The following PDE4DIP variants were observed in gnomAD, a reference collection of about 807,000 sequenced individuals.
PDE4DIP encodes the protein phosphodiesterase 4D interacting protein, also known as myomegalin.
A neutral mutation model predicts 221.4 loss-of-function variants in PDE4DIP; 59 were observed. The observed-to-expected ratio is 0.27, with a 90% CI of 0.22 to 0.33. The LOEUF (loss-of-function observed/expected upper bound fraction) is 0.33, where lower values mean the gene tolerates loss of function less well. PDE4DIP is among the 10% of genes least tolerant of loss of function. The pLI is 1.00. For synonymous variants in PDE4DIP, 404 were observed against 815.9 expected (o/e 0.50, Z 8.60); for missense variants, 1,036 against 2,154.2 (o/e 0.48, Z 10.28).
At chr1:148,988,080 A>C (rs1259966173) in intron 21 of PDE4DIP, among the ~76,000 whole-genome samples, 1 of 152,218 alleles carries the variant, frequency 6.6e-6, no homozygotes, top group East Asian at 1.9e-4. Flanking sequence ...TGTGAGGCAG[A>C]GAGCAAAGAG....
At chr1:148,999,085 C>G (rs1306173488) in intron 23 of PDE4DIP, 1 of 134,524 alleles carries the variant, frequency 7.4e-6, no homozygotes, top group Non-Finnish European at 1.6e-5. Flanking sequence ...CCTCTCAGCT[C>G]TCACTCATAA....
At chr1:148,999,170 AT>A (rs1251103989) in intron 23 of PDE4DIP, 11 of 143,650 alleles carry the variant, frequency 7.7e-5, no homozygotes, top group African/African-American at 2.9e-4. Context: ...CAGGTAGCTC[AT>A]TGATTGGTTA....
chr1:148,922,666 C>T (rs1553462539), intron 1 of PDE4DIP, among the ~76,000 whole-genome samples: 2 of 149,214 alleles, frequency 1.3e-5, no homozygotes, highest in Non-Finnish European at 3.0e-5. Flanking sequence ...CAGCGCATTG[C>T]AAGCTCCGAC....
At chr1:149,031,773 G>A (rs1176858056) in intron 43 of PDE4DIP, among the ~76,000 whole-genome samples, 171 bp from the exon 47 acceptor site, 1 of 149,614 alleles carries the variant, frequency 6.7e-6, no homozygotes, top group Non-Finnish European at 1.5e-5. Flanking sequence ...CCTAACCTCG[G>A]GCACCTGTTG....
chr1:149,023,628 G>A (rs1304666700), intron 37 of PDE4DIP, among the ~76,000 whole-genome samples: 14 of 136,284 alleles, frequency 1.0e-4, no homozygotes, highest in Non-Finnish European at 1.4e-4. Flanking sequence ...ATATGTACAT[G>A]TATATGTGTG....
At chr1:148,862,238 C>T (rs1684570166) in intron 1 of PDE4DIP, among the ~76,000 whole-genome samples, 1 of 151,344 alleles carries the variant, frequency 6.6e-6, no homozygotes, top group Non-Finnish European at 1.5e-5. Context: ...ATTGTCTCCC[C>T]TTACTGTAAA....
At chr1:148,954,114 C>T (rs2054485243) in intron 5 of PDE4DIP, among the ~76,000 whole-genome samples, 1 of 152,162 alleles carries the variant, frequency 6.6e-6, no homozygotes, top group Non-Finnish European at 1.5e-5. Context: ...TTTGTAAAAT[C>T]TGTTGACTTT....
intron 5 of PDE4DIP, chr1:148,942,349 CA>C (rs1553480530): frequency 6.6e-6 from 1 of 152,004 alleles, no homozygotes; most frequent in Non-Finnish European, 1.5e-5. Context: ...TCCATTCTAC[CA>C]AAACATTCTA....
intron 32 of PDE4DIP, among the ~76,000 whole-genome samples, chr1:149,015,257 T>A (rs2070058081): frequency 6.6e-6 from 1 of 151,672 alleles, no homozygotes; most frequent in Admixed American, 6.6e-5. Flanking sequence ...AATCAGTATA[T>A]GTTTCCATAC....
At chr1:148,979,882 T>C (rs781838248) in intron 20 of PDE4DIP, 33 bp downstream of exon 23, 17 of 1,600,658 alleles carry the variant, frequency 1.1e-5, no homozygotes, top group Non-Finnish European at 1.7e-6. Context: ...TTTTATTCTT[T>C]ATTGAAATTT....
chr1:149,016,845 A>T (rs1553611777), intron 33 of PDE4DIP, among the ~76,000 whole-genome samples: 2 of 152,280 alleles, frequency 1.3e-5, no homozygotes, highest in African/African-American at 4.8e-5. Context: ...CCACTCTCTT[A>T]GACCCTTCCA....
chr1:149,009,578 G>C (rs1553602780), exon 30 of PDE4DIP: 1 of 1,601,516 alleles, frequency 6.2e-7, no homozygotes, highest in African/African-American at 1.3e-5. Context: ...GCTCAGCAGG[G>C]AGCTGCAGGA....
intron 4 of PDE4DIP, among the ~76,000 whole-genome samples, chr1:148,937,280 T>C (rs2049419789): frequency 1.3e-5 from 2 of 152,228 alleles, no homozygotes; most frequent in Admixed American, 6.5e-5. Flanking sequence ...GTATGTCTTC[T>C]TACTCTCCAA....
exon 41 of PDE4DIP, chr1:149,028,576 G>T (rs1365805011): frequency 6.8e-6 from 11 of 1,610,816 alleles, no homozygotes; most frequent in Admixed American, 1.7e-5. Flanking sequence ...GGCAGCAAAG[G>T]TATTCATGAG....
chr1:148,963,957 A>C (rs1474978074), intron 9 of PDE4DIP, among the ~76,000 whole-genome samples: 5 of 149,424 alleles, frequency 3.3e-5, no homozygotes, highest in Non-Finnish European at 5.9e-5. Context: ...ACAGGGTTTC[A>C]TCGTGTTAGC....
intron 22 of PDE4DIP, among the ~76,000 whole-genome samples, chr1:148,996,688 T>TA (rs1285743422): frequency 1.3e-5 from 2 of 152,224 alleles, no homozygotes; most frequent in Non-Finnish European, 2.9e-5. Context: ...CATTTGAACA[T>TA]ACTTTGTTAC....
chr1:149,013,890 C>T (rs1197305393), intron 32 of PDE4DIP, among the ~76,000 whole-genome samples: 6 of 148,262 alleles, frequency 4.0e-5, no homozygotes, highest in East Asian at 2.0e-4. Context: ...TGGGCTCAAG[C>T]GACTCTCCCA....
At chr1:148,936,872 T>G (rs1452229369) in intron 4 of PDE4DIP, among the ~76,000 whole-genome samples, 1 of 152,160 alleles carries the variant, frequency 6.6e-6, no homozygotes, top group South Asian at 2.1e-4. Context: ...CACATGGAGC[T>G]GTCATCTCCT....
rs1267491767 is a variant in PDE4DIP at position 148,965,350 on chromosome 1, T to G, written c.1195-134T>G. 6.3e-6 allele frequency: 4 copies of G among 631,520 alleles called. No homozygotes were observed. The African/African-American group carries it at 7.4e-5, about 12-fold the overall frequency. 39.1% of individuals were successfully genotyped at this position (631,520 alleles called of 1,614,324 possible). A position where few individuals can be genotyped will look rare whatever the true frequency, so the allele number is the denominator to read the frequency against. Reference sequence around the variant, plus strand: ...ATCCTATTCAATTCATGTATAATACTTCTATAGCAATTTTAATAATGGCAC... The same window carrying G: ...ATCCTATTCAATTCATGTATAATACGTCTATAGCAATTTTAATAATGGCAC... On this transcript the variant is annotated intron_variant, in intron 9 of 43. Transcript: ENST00000369354.
Sources: gnomAD v4.1 joint callset for allele counts (sites outside exome capture counted in the v4.1 genomes callset) on GRCh38, gnomAD v4.1.1 for gene constraint, MANE v1.5 for transcripts, NCBI Gene and HGNC (gene_info 2026-07-23, HGNC 2026-07-21) for gene names.